The following AKAP13 variants were observed in gnomAD, a reference collection of about 807,000 sequenced individuals.
The protein encoded by AKAP13 is A-kinase anchor protein 13.
A neutral mutation model predicts 264.5 loss-of-function variants in AKAP13; 80 were observed. The observed-to-expected ratio is 0.30, with a 90% CI of 0.25 to 0.36. AKAP13 has a LOEUF of 0.36. AKAP13 is among the 10% of genes least tolerant of loss of function. The pLI, the probability that AKAP13 is intolerant of heterozygous loss-of-function variation, is 1.00. For missense variants in AKAP13, 3,712 were observed against 3,435.2 expected, an observed-to-expected ratio of 1.08 and a Z score of -2.01; for synonymous variants, 1,380 against 1,250.2, an observed-to-expected ratio of 1.10 and a Z score of -2.19.
intron 2 of AKAP13, among the ~76,000 whole-genome samples, chr15:85,486,739 C>CTT (rs562767898): frequency 0.24 from 27,359 of 115,346 alleles, 4,878 homozygotes; most frequent in Middle Eastern, 0.44. Context: ...TTGTTCAGTT[C>CTT]TTTTTTTTTT....
rs1034640531 is a variant in AKAP13, at chr15:85,682,556, T to C, written c.5156+344T>C. Among the ~76,000 whole-genome samples the C allele has an allele frequency of 2.6e-5, 4 of 152,102 alleles. No individual in the cohort carries two copies. The East Asian group carries it at 7.7e-4, about 29-fold the overall frequency. ...TAAACAACATTTTGTTTCATATTAGTGTCTGTGTGTGTGTGCAATTTATAA... is the reference window on the plus strand; with the variant it reads ...TAAACAACATTTTGTTTCATATTAGCGTCTGTGTGTGTGTGCAATTTATAA... On this transcript the variant is annotated intron_variant, in intron 15 of 36. Coordinates refer to ENST00000394518, the MANE Select transcript of AKAP13 (RefSeq NM_007200.5).
At chr15:85,578,204 G>A (rs1047272151) in intron 6 of AKAP13, among the ~76,000 whole-genome samples, 2 of 152,174 alleles carry the variant, frequency 1.3e-5, no homozygotes, top group Non-Finnish European at 2.9e-5. Flanking sequence ...GGTCACTTGA[G>A]CCCAGGAGTT....
At chr15:85,559,653 ACG>A (rs1221796517) in intron 5 of AKAP13, among the ~76,000 whole-genome samples, 3 of 144,914 alleles carry the variant, frequency 2.1e-5, no homozygotes, top group African/African-American at 7.7e-5. Flanking sequence ...TCCCTCACAT[ACG>A]CAGTTCACGA....
chr15:85,443,868 T>C (rs1368805424), intron 1 of AKAP13, among the ~76,000 whole-genome samples: 5 of 152,120 alleles, frequency 3.3e-5, no homozygotes, highest in Admixed American at 2.6e-4. Context: ...TCAAGGCTAC[T>C]TGACTGCCAG....
intron 2 of AKAP13, among the ~76,000 whole-genome samples, chr15:85,521,050 AT>A (rs1236847220): frequency 6.6e-6 from 1 of 152,176 alleles, no homozygotes; most frequent in East Asian, 1.9e-4. Flanking sequence ...GTGATCATTT[AT>A]TATACCCCCT....
chr15:85,454,148 A>T (rs1249938979), intron 1 of AKAP13, among the ~76,000 whole-genome samples: 1 of 152,026 alleles, frequency 6.6e-6, no homozygotes, highest in African/African-American at 2.4e-5. Context: ...AGTCCCCTGG[A>T]TTCAGCCTCT....
chr15:85,463,391 CT>C (rs1348579422), intron 1 of AKAP13, among the ~76,000 whole-genome samples: 1 of 152,194 alleles, frequency 6.6e-6, no homozygotes, highest in East Asian at 1.9e-4. Flanking sequence ...TTAGGCTTGA[CT>C]TTCTTCTCCC....
intron 10 of AKAP13, among the ~76,000 whole-genome samples, chr15:85,649,331 A>G (rs2082698103): frequency 1.3e-5 from 2 of 152,286 alleles, no homozygotes; most frequent in South Asian, 4.1e-4. Context: ...AACCTCCCCA[A>G]ACCTGCTCTA....
In AKAP13 at chr15:85,726,189, A is replaced by G. The variant is rs1285441915; in HGVS notation, c.6746-221A>G. On this transcript the variant is annotated intron_variant, in intron 26 of 36. Coordinates refer to ENST00000394518, the MANE Select transcript of AKAP13 (RefSeq NM_007200.5). ...ACTTTTCCAAAACAAGGCTTTGGTG[A>G]TAAATCCCATTTTAAAATGCTGCTA... is the stretch of plus-strand genomic sequence containing the variant. 8.8e-6 allele frequency: 4 copies of G among 452,022 alleles called. No individual in the cohort carries two copies. The East Asian group carries it at 1.0e-4, about 12-fold the overall frequency. 28.0% of individuals were successfully genotyped at this position (452,022 alleles called of 1,614,324 possible).
Position 85,747,510 on chromosome 15 carries a change from G to A in AKAP13, c.*2833G>A, listed in dbSNP as rs550753627. ...TGTGCTTAAGTTTTGGGGGAAAGAT[G>A]GAGTTCCTATCCAGAGCCCCCAGAT... On this transcript the variant is annotated 3_prime_UTR_variant, in exon 37 of 37. Transcript: ENST00000394518. 1 of 152,752 alleles carries A rather than the reference G, an allele frequency of 6.5e-6. No individual in the cohort carries two copies. The highest frequency in any genetic ancestry group is 2.4e-5 in the African/African-American group (1 of 41,584). 9.5% of individuals were successfully genotyped at this position (152,752 alleles called of 1,614,324 possible).
chr15:85,619,579 T>A, intron 8 of AKAP13: 1 of 985,542 alleles, frequency 1.0e-6, no homozygotes, highest in South Asian at 4.7e-5. Flanking sequence ...CAGAATCTAA[T>A]GACTTTTTTC....
Position 85,491,035 on chromosome 15 carries a change from A to C in AKAP13, c.33+5282A>C, listed in dbSNP as rs140550133. On this transcript the variant is annotated intron_variant, in intron 2 of 36. Transcript: ENST00000394518. ...CAAATGCAGAAACTCTAAAATGAGA[A>C]GTAGTAACTTAATATGTTTGAGGAA... 7.3e-3 allele frequency among the ~76,000 whole-genome samples: 1,111 copies of C among 152,258 alleles called. 5 individuals are homozygous for C. Among genetic ancestry groups the C allele is most frequent in the Middle Eastern group, 0.041 (12 of 294 alleles).
At chr15:85,729,925 T>C (rs1212771710) in intron 29 of AKAP13, among the ~76,000 whole-genome samples, 1 of 151,174 alleles carries the variant, frequency 6.6e-6, no homozygotes, top group Non-Finnish European at 1.5e-5. Flanking sequence ...GTCTGGGCAA[T>C]AGGAGCGAAA....
intron 10 of AKAP13, among the ~76,000 whole-genome samples, chr15:85,649,445 A>G (rs2151500093): frequency 6.6e-6 from 1 of 152,368 alleles, no homozygotes; most frequent in South Asian, 2.1e-4. Flanking sequence ...TATGCAAAAT[A>G]TCAGAATGTC....
chr15:85,629,871 C>T (rs1184173142), intron 8 of AKAP13, among the ~76,000 whole-genome samples: 1 of 147,020 alleles, frequency 6.8e-6, no homozygotes, highest in Non-Finnish European at 1.5e-5. Flanking sequence ...CCTCCACCTC[C>T]CGGGCTCAAG....
chr15:85,738,890 CCTT>C (rs2151776136), intron 33 of AKAP13, among the ~76,000 whole-genome samples: 1 of 151,672 alleles, frequency 6.6e-6, no homozygotes, highest in African/African-American at 2.4e-5. Flanking sequence ...ATATTTCCAG[CCTT>C]CTACATAACA....
At chr15:85,709,903 G>T (rs2086541748) in intron 18 of AKAP13, among the ~76,000 whole-genome samples, 1 of 151,988 alleles carries the variant, frequency 6.6e-6, no homozygotes, top group African/African-American at 2.4e-5. Context: ...GGCTGGGCTG[G>T]TATCAAACTC....
Position 85,724,691 on chromosome 15 carries a change from G to A in AKAP13, c.6745+1371G>A, listed in dbSNP as rs1390206624. ...AAACGAGAACGGCAAGCAGGAGAGG[G>A]ATACATGAGGTGGTTTTTCAGTATG... is the stretch of plus-strand genomic sequence containing the variant. On this transcript the variant is annotated intron_variant, in intron 26 of 36. Transcript: ENST00000394518. This position sits in a 1 kb window ranked among gnomAD's most constrained non-coding sequence, Gnocchi z 4.2. 1.3e-5 allele frequency among the ~76,000 whole-genome samples: 2 copies of A among 151,588 alleles called. No homozygotes were observed. Among genetic ancestry groups the A allele is most frequent in the Non-Finnish European group, 2.9e-5 (2 of 67,952 alleles).
intron 1 of AKAP13, among the ~76,000 whole-genome samples, chr15:85,457,558 G>T (rs2074327133): frequency 6.6e-6 from 1 of 152,172 alleles, no homozygotes; most frequent in African/African-American, 2.4e-5. Flanking sequence ...ACTAGTTGTA[G>T]CCCTGACTCC....
Sources: allele counts gnomAD v4.1 joint callset (sites outside exome capture counted in the v4.1 genomes callset), GRCh38; gene constraint gnomAD v4.1.1; non-coding constraint Gnocchi (gnomAD v3.1); transcripts MANE v1.5; gene names NCBI Gene and HGNC (gene_info 2026-07-23, HGNC 2026-07-21).